WIPF1: variants seen among roughly 807,000 people sequenced by gnomAD.
WIPF1 encodes the protein WAS/WASL interacting protein family member 1, also known as WAS/WASL-interacting protein family member 1.
A neutral mutation model predicts 35.4 loss-of-function variants in WIPF1; 13 were observed. The observed-to-expected ratio is 0.37, with a 90% CI of 0.24 to 0.58. WIPF1 has a LOEUF of 0.58. WIPF1 is among the 20% of genes least tolerant of loss of function. The probability of loss-of-function intolerance (pLI) is 0.74; values close to 1 mark genes in which losing one functional copy is unlikely to be tolerated. For synonymous variants in WIPF1, 267 were observed against 266.3 expected, an observed-to-expected ratio of 1.00 and a Z score of -0.02; for missense variants, 591 against 667.0, an observed-to-expected ratio of 0.89 and a Z score of 1.25.
At chr2:174,605,209 C>G (rs1465164026) in intron 1 of WIPF1, among the ~76,000 whole-genome samples, 4 of 152,096 alleles carry the variant, frequency 2.6e-5, no homozygotes, top group Admixed American at 6.6e-5. Context: ...CAGAGGCAGG[C>G]GGATCACAAT....
intron 7 of WIPF1, among the ~76,000 whole-genome samples, chr2:174,564,805 T>C (rs1684594159): frequency 7.3e-6 from 1 of 136,280 alleles, no homozygotes; most frequent in African/African-American, 2.7e-5. Flanking sequence ...ACAGAAGCCC[T>C]TCTTCTGGTG....
chr2:174,582,692 G>C (rs555869047), intron 2 of WIPF1, among the ~76,000 whole-genome samples: 4 of 152,254 alleles, frequency 2.6e-5, no homozygotes, highest in African/African-American at 9.6e-5. Context: ...TGAGTAGTTG[G>C]GATTACAGGC....
At chr2:174,663,825 C>G (rs558982639) in intron 1 of WIPF1, among the ~76,000 whole-genome samples, 5 of 152,182 alleles carry the variant, frequency 3.3e-5, no homozygotes, top group African/African-American at 7.2e-5. Flanking sequence ...AAAGAATGTG[C>G]GCACTGGCTG....
chr2:174,599,293 C>A (rs374446613), upstream of WIPF1, among the ~76,000 whole-genome samples: 3 of 152,082 alleles, frequency 2.0e-5, no homozygotes, highest in Non-Finnish European at 4.4e-5. Context: ...ACCCAAAATA[C>A]CAGAAGTGCT....
chr2:174,678,504 C>T (rs1004426277), intron 1 of WIPF1, among the ~76,000 whole-genome samples: 2 of 152,234 alleles, frequency 1.3e-5, no homozygotes, highest in Non-Finnish European at 2.9e-5. Flanking sequence ...GATCCCTGGC[C>T]ACGAGAAGAA....
chr2:174,631,697 G>A (rs531405215), intron 1 of WIPF1, among the ~76,000 whole-genome samples: 3 of 152,054 alleles, frequency 2.0e-5, no homozygotes, highest in Non-Finnish European at 2.9e-5. Context: ...ACAAATGTCC[G>A]GGAACTTCTT....
intron 1 of WIPF1, among the ~76,000 whole-genome samples, chr2:174,594,397 T>C (rs892888494): frequency 3.3e-5 from 5 of 152,230 alleles, no homozygotes; most frequent in African/African-American, 1.2e-4. Context: ...TAATCCACTA[T>C]TGTGCACATT....
At chr2:174,612,527 G>A (rs1396049008) in intron 1 of WIPF1, among the ~76,000 whole-genome samples, 1 of 151,380 alleles carries the variant, frequency 6.6e-6, no homozygotes, top group African/African-American at 2.4e-5. Flanking sequence ...TCATTTTATA[G>A]TATTTCCTTA....
At chr2:174,646,103 C>T (rs1156404732) in intron 1 of WIPF1, among the ~76,000 whole-genome samples, 1 of 152,216 alleles carries the variant, frequency 6.6e-6, no homozygotes, top group Non-Finnish European at 1.5e-5. Context: ...AACAATTCAA[C>T]AGCATGCGAA....
chr2:174,584,777 T>C (rs990632507), intron 2 of WIPF1, among the ~76,000 whole-genome samples: 3 of 152,114 alleles, frequency 2.0e-5, no homozygotes, highest in African/African-American at 7.2e-5. Flanking sequence ...CTGGGCATGG[T>C]GGTGCTTGCC....
chr2:174,627,393 ATTTTCTTTTCT>A lies in WIPF1; in HGVS notation c.-38-41793_-38-41783del, dbSNP rs1352163878. 7.2e-5 allele frequency among the ~76,000 whole-genome samples: 11 copies of A among 151,850 alleles called. No homozygotes were observed. In the East Asian group the frequency reaches 1.7e-3, roughly 24 times the overall value. ...CCAGTGTCCAAAAAAAGGTCTTATG[ATTTTCTTTTCT>A]TTTTCTTTTCTTCTTTCCTTCTTTC... On this transcript the variant is annotated intron_variant, in intron 1 of 8. Coordinates refer to the WIPF1 transcript ENST00000272746.
chr2:174,613,605 C>T (rs1306011729), intron 1 of WIPF1, among the ~76,000 whole-genome samples: 1 of 152,124 alleles, frequency 6.6e-6, no homozygotes, highest in African/African-American at 2.4e-5. Context: ...GATGAAGTGC[C>T]TGGTACATAC....
At chr2:174,619,442 T>C (rs905572413) in intron 1 of WIPF1, among the ~76,000 whole-genome samples, 3 of 152,114 alleles carry the variant, frequency 2.0e-5, no homozygotes, top group African/African-American at 7.2e-5. Flanking sequence ...TTCTCAAAAA[T>C]AGTCATCTAG....
intron 1 of WIPF1, among the ~76,000 whole-genome samples, chr2:174,671,398 T>G (rs923677710): frequency 6.6e-6 from 1 of 152,198 alleles, no homozygotes; most frequent in African/African-American, 2.4e-5. Context: ...CCTGTGATGA[T>G]TGCATTAACT....
chr2:174,571,768 G>C lies in WIPF1; in HGVS notation c.1037C>G (p.Pro346Arg). 3 of 1,614,210 alleles carry C rather than the reference G, an allele frequency of 1.9e-6. No homozygotes were observed. The highest frequency in any genetic ancestry group is 2.5e-6 in the Non-Finnish European group (3 of 1,180,040). ...TGAACGTCCTGGCGAAGGTAACGGG[G>C]GCGTGGACGAACTGAGGGACAGATT... ...QRNLSLSSST[P>R]PLPSPGRSGP... The change falls in exon 5 of 8, where the codon CCC becomes CGC. Residue 346 changes from proline to arginine, a missense_variant. Around this residue, in one of 3 missense-constraint regions of WIPF1, gnomAD observed 471 missense variants for 501.1 expected, o/e 0.94. Transcript: ENST00000679041. This position sits in a 1 kb window ranked among gnomAD's most constrained non-coding sequence, Gnocchi z 4.6.
intron 1 of WIPF1, among the ~76,000 whole-genome samples, chr2:174,618,957 C>T (rs1230742599): frequency 6.6e-6 from 1 of 152,134 alleles, no homozygotes; most frequent in East Asian, 1.9e-4. Context: ...CATACACACA[C>T]ACACACGCAC....
At chr2:174,565,329 A>G (rs1188687257) in intron 7 of WIPF1, among the ~76,000 whole-genome samples, 1 of 152,206 alleles carries the variant, frequency 6.6e-6, no homozygotes, top group African/African-American at 2.4e-5. Context: ...CCTTTTAAGC[A>G]GTAGTATTCT....
chr2:174,607,301 G>A (rs568388730), intron 1 of WIPF1, among the ~76,000 whole-genome samples: 2 of 152,256 alleles, frequency 1.3e-5, no homozygotes, highest in South Asian at 2.1e-4. Flanking sequence ...TACTCGGGAG[G>A]CTGAGGTAGG....
At chr2:174,676,030 C>G (rs1369667608) in intron 1 of WIPF1, among the ~76,000 whole-genome samples, 1 of 150,502 alleles carries the variant, frequency 6.6e-6, no homozygotes, top group Non-Finnish European at 1.5e-5. Flanking sequence ...CACTTGCAGC[C>G]TCCATCTCCC....
Sources: gnomAD v4.1 joint callset for allele counts (sites outside exome capture counted in the v4.1 genomes callset) on GRCh38, gnomAD v4.1.1 for gene constraint, gnomAD v4.1.1 regional missense constraint, Gnocchi (gnomAD v3.1) non-coding constraint, MANE v1.5 for transcripts, NCBI Gene and HGNC (gene_info 2026-07-23, HGNC 2026-07-21) for gene names.